Variants in CUBN observed in about 807,000 individuals in gnomAD.
The protein encoded by CUBN is cubilin.
A neutral mutation model predicts 405.3 loss-of-function variants in CUBN; 282 were observed. The ratio of observed to expected loss-of-function variants is 0.70; its 90% CI spans 0.63 to 0.77. CUBN has a LOEUF of 0.77. Among genes scored for constraint, CUBN ranks in the 30% least tolerant of loss-of-function variants. CUBN has a pLI of 0.00. For synonymous variants in CUBN, 1,684 were observed against 1,617.0 expected, an observed-to-expected ratio of 1.04 and a Z score of -0.99; for missense variants, 4,514 against 4,475.2, an observed-to-expected ratio of 1.01 and a Z score of -0.25.
At chr10:16,898,255 T>C (rs139035801) in intron 54 of CUBN, among the ~76,000 whole-genome samples, 1 of 152,210 alleles carries the variant, frequency 6.6e-6, no homozygotes, top group East Asian at 1.9e-4. Flanking sequence ...TATTACATCG[T>C]ATTATCTCCA....
At chr10:17,121,616 C>T (rs1255171468) in intron 6 of CUBN, among the ~76,000 whole-genome samples, 1 of 151,496 alleles carries the variant, frequency 6.6e-6, no homozygotes, top group Non-Finnish European at 1.5e-5. Flanking sequence ...TTAATGGATG[C>T]AGCACACCAA....
intron 3 of CUBN, among the ~76,000 whole-genome samples, chr10:17,127,246 G>T (rs7893980): frequency 3.1e-4 from 39 of 125,150 alleles, no homozygotes; most frequent in South Asian, 1.1e-3. Context: ...CTCTCTTTCT[G>T]TCTCTCTCTC....
At chr10:17,007,556 G>A (rs888369375) in intron 28 of CUBN, among the ~76,000 whole-genome samples, 19 of 152,110 alleles carry the variant, frequency 1.2e-4, no homozygotes, top group African/African-American at 3.4e-4. Flanking sequence ...AAATGATGTC[G>A]CTGCCAAGTT....
intron 28 of CUBN, among the ~76,000 whole-genome samples, chr10:17,012,503 T>A (rs1407790718): frequency 2.6e-5 from 4 of 152,204 alleles, no homozygotes; most frequent in Non-Finnish European, 5.9e-5. Flanking sequence ...GGATTGTAGT[T>A]ACTATCCTTA....
At chr10:16,962,403 G>A (rs1446811866) in intron 31 of CUBN, among the ~76,000 whole-genome samples, 1 of 151,916 alleles carries the variant, frequency 6.6e-6, no homozygotes, top group Non-Finnish European at 1.5e-5. Flanking sequence ...TGGGTAGGTA[G>A]GAGTGGGAGA....
intron 37 of CUBN, 42 bp from the exon 38 acceptor site, chr10:16,939,189 T>G: frequency 6.7e-7 from 1 of 1,492,600 alleles, no homozygotes; most frequent in Non-Finnish European, 9.3e-7. Flanking sequence ...CCACTTAGAA[T>G]TGCTCTTTAA....
chr10:16,869,687 C>T lies in CUBN; in HGVS notation c.9403G>A (p.Asp3135Asn). The change falls in exon 59 of 67, where the codon GAT becomes AAT. Residue 3135 changes from aspartate (D) to asparagine (N), a missense_variant. This residue lies in a region of CUBN where 1,186 missense variants were observed against 1,186.9 expected (regional missense o/e 1.00). Coordinates refer to ENST00000377833, the MANE Select transcript of CUBN (RefSeq NM_001081.4). ...NNSMLLVFKTDSFQTAKGWKM... is the reference protein window; with the variant it reads ...NNSMLLVFKTNSFQTAKGWKM... ...CAGCCTTTTGCTGTCTGAAATGAAT[C>T]TGTCTTGAACACCAGGAGCATACTA... 6.2e-7 allele frequency: 1 copy of T among 1,614,034 alleles called. No individual in the cohort carries two copies. The highest frequency in any genetic ancestry group is 8.5e-7 in the Non-Finnish European group (1 of 1,179,984).
chr10:16,980,759 G>A (rs1833247031), intron 31 of CUBN, among the ~76,000 whole-genome samples: 1 of 151,984 alleles, frequency 6.6e-6, no homozygotes, highest in South Asian at 2.1e-4. Context: ...GTTGATGAGT[G>A]CAGCAAACCA....
At chr10:16,965,976 A>T (rs762323214) in intron 31 of CUBN, 12 of 471,198 alleles carry the variant, frequency 2.5e-5, no homozygotes, top group South Asian at 1.4e-4. Context: ...GTATGATTAA[A>T]CCTAGAGAAA....
At chr10:17,060,492 T>A (rs886343480) in intron 22 of CUBN, among the ~76,000 whole-genome samples, 1 of 152,214 alleles carries the variant, frequency 6.6e-6, no homozygotes, top group Non-Finnish European at 1.5e-5. Context: ...CAGAATATCA[T>A]GATTAAGCAT....
intron 31 of CUBN, among the ~76,000 whole-genome samples, chr10:16,975,687 G>A (rs1308927393): frequency 7.2e-6 from 1 of 139,078 alleles, no homozygotes; most frequent in Non-Finnish European, 1.5e-5. Flanking sequence ...CTGGAGTGCA[G>A]TGGTGCAATC....
chr10:17,071,744 A>G (rs1018388526), intron 18 of CUBN, 83 bp downstream of exon 18: 1 of 1,515,084 alleles, frequency 6.6e-7, no homozygotes, highest in East Asian at 2.3e-5. Context: ...ACACTTGAGG[A>G]CATAAAATGA....
rs780362603 is a variant in CUBN at position 16,840,346 on chromosome 10, A to C, written c.10016T>G (p.Leu3339Arg). Residue 3339 changes from leucine to arginine, a missense_variant, in exon 62 of 67, where the codon CTT (leucine) becomes CGT (arginine). Leu to Arg is a moderately radical substitution (Grantham distance 102). This residue lies in a region of CUBN where 1,186 missense variants were observed against 1,186.9 expected (regional missense o/e 1.00). Transcript: ENST00000377833. The part of the protein sequence containing the change: ...SQDCTQNYLQ[L>R]QDSPQGHGNS... ...AATTGTTACCTGCGGTGAGTCCTGA[A>C]GCTGTAAGTAATTCTGCGTGCAGTC... 8 of 1,614,160 alleles carry C rather than the reference A, an allele frequency of 5.0e-6. No homozygotes were observed. In the South Asian group the frequency reaches 7.7e-5, roughly 16 times the overall value.
chr10:16,919,874 G>C, intron 44 of CUBN, 89 bp downstream of exon 44: 1 of 1,323,538 alleles, frequency 7.6e-7, no homozygotes, highest in Non-Finnish European at 1.1e-6. Context: ...TGCAGTATGT[G>C]CTACTGAAAG....
In CUBN at chr10:16,869,555, G is replaced by A. The variant is rs569549945; in HGVS notation, c.9454+81C>T. ...GGAAAAGCAATCATAATCAGGTGGG[G>A]GTGGGGGGGGGGCGGGGAAATTAAA... On this transcript the variant is annotated intron_variant, in intron 59 of 66. Coordinates refer to ENST00000377833, the MANE Select transcript of CUBN (RefSeq NM_001081.4). 2.2e-5 allele frequency: 22 copies of A among 1,005,406 alleles called. 1 individual carries two copies. The highest frequency in any genetic ancestry group is 7.8e-5 in the South Asian group (6 of 77,402). The allele number at this position is 1,005,406 out of a possible 1,614,324, so 62.3% of individuals were successfully genotyped here. A position where few individuals can be genotyped will look rare whatever the true frequency, so the allele number is the denominator to read the frequency against.
At chr10:17,105,816 T>C (rs1461983105) in intron 10 of CUBN, among the ~76,000 whole-genome samples, 1 of 152,250 alleles carries the variant, frequency 6.6e-6, no homozygotes, top group Non-Finnish European at 1.5e-5. Context: ...TGGGTTGACA[T>C]GGGTGCTGTC....
chr10:17,045,128 G>A lies in CUBN; in HGVS notation c.3551C>T (p.Pro1184Leu), dbSNP rs886046876. ...GTFISPNYPM[P>L]YYHSSECYWW... The stretch of plus-strand genomic sequence containing the variant: ...GTAGCATTCAGAGCTGTGGTAATAG[G>A]GCATCGGGTAGTTGGGAGATATGAA... The change falls in exon 25 of 67, where the codon CCC (proline) becomes CTC (leucine). Residue 1184 changes from proline (P) to leucine (L), a missense_variant. By Grantham distance (98) the Pro-to-Leu change is moderately conservative. Around this residue, in one of 5 missense-constraint regions of CUBN, gnomAD observed 242 missense variants for 309.0 expected, o/e 0.78. Coordinates refer to ENST00000377833, the MANE Select transcript of CUBN (RefSeq NM_001081.4). 6.2e-7 allele frequency: 1 copy of A among 1,613,840 alleles called. No homozygotes were observed. Among genetic ancestry groups the A allele is most frequent in the African/African-American group, 1.3e-5 (1 of 74,826 alleles).
In CUBN at chr10:17,127,966, A is replaced by G. The variant is rs746208582; in HGVS notation, c.253-42T>C. The G allele has an allele frequency of 5.4e-6, 7 of 1,292,048 alleles. No individual in the cohort carries two copies. In the African/African-American group the frequency reaches 1.0e-4, roughly 19 times the overall value. 80.0% of individuals were successfully genotyped at this position (1,292,048 alleles called of 1,614,324 possible). On this transcript the variant is annotated intron_variant, in intron 2 of 66. Transcript: ENST00000377833. Reference sequence around the variant, plus strand: ...AAGAAGAAATGAAGAGCACTAGTGAAAATATCATATTTATCTTTACAGTAA... The same window carrying G: ...AAGAAGAAATGAAGAGCACTAGTGAGAATATCATATTTATCTTTACAGTAA...
At position 16,899,036 on chromosome 10, in the gene CUBN, A is replaced by T; in HGVS notation, c.8558T>A (p.Ile2853Asn). 1.9e-6 allele frequency: 3 copies of T among 1,613,638 alleles called. No homozygotes were observed. In the South Asian group the frequency reaches 3.3e-5, roughly 18 times the overall value. The change falls in exon 54 of 67, where the codon ATC (isoleucine) becomes AAC (asparagine). Residue 2853 changes from isoleucine (I) to asparagine (N), a missense_variant. By Grantham distance (149) the Ile-to-Asn change is moderately radical. Coordinates refer to ENST00000377833, the MANE Select transcript of CUBN (RefSeq NM_001081.4). Reference sequence around the variant, plus strand: ...CTGACATTGTCCATCACCGCTGGGGATTAGGAAGTTGTTGTCAAAGCTGAT... The same window carrying T: ...CTGACATTGTCCATCACCGCTGGGGTTTAGGAAGTTGTTGTCAAAGCTGAT... Reference protein sequence around the residue: ...LEISFDNNFLIPSGDGQCQNS... With the variant: ...LEISFDNNFLNPSGDGQCQNS...
Sources: gnomAD v4.1 joint callset for allele counts (sites outside exome capture counted in the v4.1 genomes callset) on GRCh38, gnomAD v4.1.1 for gene constraint, gnomAD v4.1.1 regional missense constraint, MANE v1.5 for transcripts, NCBI Gene and HGNC (gene_info 2026-07-23, HGNC 2026-07-21) for gene names.